Variants in IFI6 observed in about 807,000 individuals in gnomAD.
IFI6 encodes interferon alpha-inducible protein 6.
IFI6 carries 10 observed loss-of-function variants against 12.7 expected under a neutral mutation model. That is an observed-to-expected ratio of 0.79 (90% confidence interval 0.49 to 1.33). The LOEUF is 1.33. Among genes scored for constraint, IFI6 ranks in the 40% most tolerant of loss-of-function variants. The pLI is 0.00. For missense variants in IFI6, 154 were observed against 180.4 expected (o/e 0.85, Z 0.84); for synonymous variants, 89 against 86.2 (o/e 1.03, Z -0.18).
intron 2 of IFI6, 39 bp from the exon 3 acceptor site, chr1:27,668,574 G>A (rs781376858): frequency 1.0e-5 from 16 of 1,530,702 alleles, no homozygotes; most frequent in Non-Finnish European, 1.3e-5. Flanking sequence ...GGGTGTTGGG[G>A]TGGGACACAG....
rs778264139 is a variant in IFI6 at position 27,668,332 on chromosome 1, G to A, written c.192C>T (p.Ala64=). Residue 64 remains alanine, a synonymous_variant, in exon 4 of 5, where the codon GCC becomes GCT. Coordinates refer to ENST00000361157, the MANE Select transcript of IFI6 (RefSeq NM_002038.4). ...CAGCCACCGAGTTGGCCGCGATGCC[G>A]GCGCCGGTGAAGCCCAGCGCGGGCA... ...AGLPALGFTG[A]GIAANSVAAS... 6 of 1,570,146 alleles carry A rather than the reference G, an allele frequency of 3.8e-6. No individual in the cohort carries two copies. Among genetic ancestry groups the A allele is most frequent in the East Asian group, 2.4e-5 (1 of 42,128 alleles).
At chr1:27,669,539 C>A in intron 1 of IFI6, 193 bp from the exon 2 acceptor site, 1 of 536,154 alleles carries the variant, frequency 1.9e-6, no homozygotes, top group Non-Finnish European at 3.4e-6. Flanking sequence ...CTGCCCCAAC[C>A]GGTGGGTGTG....
intron 4 of IFI6, among the ~76,000 whole-genome samples, chr1:27,667,049 G>A (rs1267577061): frequency 4.1e-5 from 6 of 146,138 alleles, no homozygotes; most frequent in Admixed American, 6.8e-5. Flanking sequence ...GCCTCAGAGC[G>A]CGAGAGAGAG....
chr1:27,669,224 C>T, intron 2 of IFI6, 21 bp downstream of exon 2: 1 of 1,551,664 alleles, frequency 6.4e-7, no homozygotes, highest in Non-Finnish European at 8.7e-7. Flanking sequence ...CCCTTACCTG[C>T]ATCCTTACCC....
chr1:27,668,030 C>A (rs1462579277), intron 4 of IFI6, among the ~76,000 whole-genome samples, 196 bp downstream of exon 4: 1 of 152,246 alleles, frequency 6.6e-6, no homozygotes, highest in Non-Finnish European at 1.5e-5. Flanking sequence ...AAGATCACAC[C>A]ACTGCACTTC....
intron 4 of IFI6, 98 bp from the exon 5 acceptor site, chr1:27,666,573 A>G (rs2090353528): frequency 1.3e-6 from 1 of 784,044 alleles, no homozygotes; most frequent in Admixed American, 2.5e-5. Context: ...CCTTATGTCT[A>G]GATGGAGAAA....
At chr1:27,669,561 C>T (rs2090388753) in intron 1 of IFI6, 3 of 503,046 alleles carry the variant, frequency 6.0e-6, no homozygotes, top group Non-Finnish European at 7.3e-6. Context: ...GGATTCTGTG[C>T]GGATTCGCAC....
rs2090409161 is a variant in IFI6 at position 27,672,182 on chromosome 1, A to G, written c.-92T>C. 6.6e-6 allele frequency: 1 copy of G among 152,288 alleles called. No individual in the cohort carries two copies. Among genetic ancestry groups the G allele is most frequent in the Non-Finnish European group, 1.5e-5 (1 of 68,072 alleles). The allele number at this position is 152,288 out of a possible 1,614,324, so 9.4% of individuals were successfully genotyped here. A position where few individuals can be genotyped will look rare whatever the true frequency, so the allele number is the denominator to read the frequency against. ...GAGCCTGCTGATAGATGGGCACAGC[A>G]GCGAGTAAACGGTTCTCCGGCTGAA... On this transcript the variant is annotated 5_prime_UTR_variant, in exon 1 of 5. Coordinates refer to ENST00000361157, the MANE Select transcript of IFI6 (RefSeq NM_002038.4).
In IFI6 at chr1:27,668,065, ACT is replaced by A. The variant is rs569569115; in HGVS notation, c.298+159_298+160del. The stretch of plus-strand genomic sequence containing the variant: ...CAGCCTGCCTGGGTGACACAGCCAG[ACT>A]CTGTCTCAAAATAAATAAATAAAGA... On this transcript the variant is annotated intron_variant, in intron 4 of 4. Transcript: ENST00000361157. Among the ~76,000 whole-genome samples, 19 of 152,376 alleles carry A rather than the reference ACT, an allele frequency of 1.2e-4. 1 individual carries two copies. The South Asian group carries it at 3.9e-3, about 32-fold the overall frequency.
intron 1 of IFI6, among the ~76,000 whole-genome samples, chr1:27,670,624 G>A (rs2808427): frequency 0.97 from 148,359 of 152,260 alleles, 72,375 homozygotes; most frequent in East Asian, 1. Flanking sequence ...CAAATGCTCC[G>A]GATGAAGAGA....
chr1:27,670,220 C>G (rs1018675681), intron 1 of IFI6: 2 of 152,172 alleles, frequency 1.3e-5, no homozygotes, highest in Non-Finnish European at 2.9e-5. Context: ...TTTGCTAGAG[C>G]AGCTCACAGA....
intron 1 of IFI6, among the ~76,000 whole-genome samples, chr1:27,671,678 G>A (rs1352938050): frequency 3.9e-5 from 6 of 151,966 alleles, no homozygotes; most frequent in East Asian, 3.9e-4. Flanking sequence ...GAACCACCAC[G>A]CCCGGCCACC....
Position 27,668,462 on chromosome 1 carries a change from T to G in IFI6, c.144A>C (p.Gly48=). 2 of 1,610,462 alleles carry G rather than the reference T, an allele frequency of 1.2e-6. No homozygotes were observed. The highest frequency in any genetic ancestry group is 1.7e-6 in the Non-Finnish European group (2 of 1,178,508). The change falls in exon 3 of 5, where the codon GGA becomes GGC. Residue 48 remains glycine, a synonymous_variant. Transcript: ENST00000361157. ...ATCCTCGCCCTCCAGACCCACCTCC[T>G]CCGACGGCCATGAAGGTCAGGGCCT... The part of the protein sequence containing the change: ...FWKALTFMAV[G]GGLAVAGLPA...
chr1:27,669,511 T>G, intron 1 of IFI6, 165 bp from the exon 2 acceptor site: 1 of 573,268 alleles, frequency 1.7e-6, no homozygotes. Context: ...CCTCTCCGCA[T>G]CAGTGGCAGA....
chr1:27,667,445 A>G (rs906309551), intron 4 of IFI6, among the ~76,000 whole-genome samples: 3 of 152,050 alleles, frequency 2.0e-5, no homozygotes, highest in African/African-American at 7.3e-5. Context: ...CAATAGATTG[A>G]TCAATCGATA....
chr1:27,668,432 C>T (rs754382219), intron 3 of IFI6, 26 bp downstream of exon 3: 35 of 1,602,042 alleles, frequency 2.2e-5, no homozygotes, highest in Non-Finnish European at 3.0e-5. Flanking sequence ...CCCCGCCTGC[C>T]CGAGATCCTC....
rs773493627 is a variant in IFI6 at position 27,666,392 on chromosome 1, C to A, written c.382G>T (p.Asp128Tyr). 6.2e-7 allele frequency: 1 copy of A among 1,609,162 alleles called. No homozygotes were observed. Among genetic ancestry groups the A allele is most frequent in the Non-Finnish European group, 8.5e-7 (1 of 1,177,232 alleles). The change falls in exon 5 of 5, where the codon GAT becomes TAT. Residue 128 changes from aspartate to tyrosine, a missense_variant. Physicochemically the swap from Asp to Tyr is radical, Grantham distance 160 (BLOSUM62 -3). Coordinates refer to ENST00000361157, the MANE Select transcript of IFI6 (RefSeq NM_002038.4). ...ATHKYLDSEE[D>Y]EE ...CTGGGAGCTGCTGGCTACTCCTCAT[C>A]CTCCTCACTATCGAGATACTTGTGG...
At chr1:27,670,639 T>C (rs895476936) in intron 1 of IFI6, among the ~76,000 whole-genome samples, 1 of 152,160 alleles carries the variant, frequency 6.6e-6, no homozygotes, top group African/African-American at 2.4e-5. Context: ...AAGAGATGCA[T>C]AGGGCAAGGT....
chr1:27,666,804 C>T (rs1221469984), intron 4 of IFI6, among the ~76,000 whole-genome samples: 1 of 152,144 alleles, frequency 6.6e-6, no homozygotes, highest in Non-Finnish European at 1.5e-5. Flanking sequence ...TTCATCTTGT[C>T]ACAGCTATGT....
Sources: allele counts gnomAD v4.1 joint callset (sites outside exome capture counted in the v4.1 genomes callset), GRCh38; gene constraint gnomAD v4.1.1; transcripts MANE v1.5; gene names NCBI Gene and HGNC (gene_info 2026-07-23, HGNC 2026-07-21).